ARLN: variants seen among roughly 807,000 people sequenced by gnomAD.
ARLN encodes allregulin, also known as sarcoplasmic/endoplasmic reticulum calcium ATPase regulator ARLN.
At chr4:119,296,677 T>C in the ARLN span, 1 of 152,210 alleles carries the variant, frequency 6.6e-6, no homozygotes, top group Non-Finnish European at 1.5e-5. Flanking sequence ...TCTGCCTTTT[T>C]ATTCCAGCTA....
chr4:119,300,402 CAGTAGG>C, the ARLN span: 1 of 1,613,866 alleles, frequency 6.2e-7, no homozygotes, highest in Non-Finnish European at 8.5e-7. Context: ...GAGGTCCAAC[CAGTAGG>C]AGTGTTTGGG....
At chr4:119,298,770 G>A in the ARLN span, 1 of 775,168 alleles carries the variant, frequency 1.3e-6, no homozygotes, top group Non-Finnish European at 2.4e-6. Context: ...TTAGATATCA[G>A]CGAACAAGTC....
chr4:119,303,330 G>A, the ARLN span, among the ~76,000 whole-genome samples: 1 of 150,898 alleles, frequency 6.6e-6, no homozygotes, highest in Non-Finnish European at 1.5e-5. Flanking sequence ...ACCTCATGGG[G>A]TCAAGCGATT....
the ARLN span, chr4:119,300,778 C>T: frequency 2.7e-6 from 4 of 1,457,380 alleles, no homozygotes; most frequent in Non-Finnish European, 3.6e-6. Context: ...GTCAATGGGC[C>T]CGCCTACTTC....
the ARLN span, among the ~76,000 whole-genome samples, chr4:119,299,454 A>T: frequency 6.6e-6 from 1 of 152,240 alleles, no homozygotes; most frequent in Non-Finnish European, 1.5e-5. Context: ...TCCAAAGTCC[A>T]GGAGAGCTGT....
the ARLN span, among the ~76,000 whole-genome samples, chr4:119,302,328 A>G: frequency 1.6e-4 from 25 of 152,350 alleles, no homozygotes; most frequent in South Asian, 8.3e-4. Context: ...CAACTAGTGC[A>G]AATAAGGAGG....
chr4:119,300,240 TA>T, the ARLN span: 1 of 1,013,790 alleles, frequency 9.9e-7, no homozygotes, highest in South Asian at 1.5e-5. Context: ...CTTGGACATA[TA>T]TAAACTCTCT....
chr4:119,301,332 G>C, the ARLN span, among the ~76,000 whole-genome samples: 2 of 151,912 alleles, frequency 1.3e-5, no homozygotes, highest in Non-Finnish European at 2.9e-5. Context: ...GCTGAGGCAG[G>C]AGAATCGCTT....
chr4:119,303,662 T>G, the ARLN span, among the ~76,000 whole-genome samples: 1 of 152,218 alleles, frequency 6.6e-6, no homozygotes, highest in Non-Finnish European at 1.5e-5. Context: ...GGTGGGTGGA[T>G]TGCTTGAGCC....
the ARLN span, chr4:119,304,380 C>G: frequency 6.5e-7 from 1 of 1,536,680 alleles, no homozygotes; most frequent in Non-Finnish European, 8.7e-7. Context: ...TCCTTTGGCA[C>G]CTATTATTTC....
At chr4:119,297,440 G>A in the ARLN span, 1 of 152,090 alleles carries the variant, frequency 6.6e-6, no homozygotes, top group Non-Finnish European at 1.5e-5. Flanking sequence ...AAAGCCTTTA[G>A]GGCTAACAGG....
chr4:119,299,576 AT>A, the ARLN span, among the ~76,000 whole-genome samples: 1 of 152,130 alleles, frequency 6.6e-6, no homozygotes, highest in African/African-American at 2.4e-5. Context: ...CTCCTGCCCT[AT>A]TCTCTTAAGT....
At chr4:119,299,450 G>A in the ARLN span, among the ~76,000 whole-genome samples, 1,204 of 152,302 alleles carry the variant, frequency 7.9e-3, 15 homozygotes, top group African/African-American at 0.028. Context: ...CAACTCCAAA[G>A]TCCAGGAGAG....
the ARLN span, among the ~76,000 whole-genome samples, chr4:119,299,492 A>G: frequency 1.3e-5 from 2 of 152,196 alleles, no homozygotes; most frequent in Non-Finnish European, 2.9e-5. Context: ...CTCTTCTCCC[A>G]TAGGAGCCCT....
At chr4:119,299,594 C>T in the ARLN span, among the ~76,000 whole-genome samples, 21 of 152,206 alleles carry the variant, frequency 1.4e-4, no homozygotes, top group African/African-American at 4.6e-4. Context: ...AAGTTCCCTT[C>T]CTTTACCCTC....
chr4:119,300,223 G>T, the ARLN span: 1 of 861,704 alleles, frequency 1.2e-6, no homozygotes, highest in South Asian at 1.7e-5. Context: ...CTCACCAGCT[G>T]TGTGATCTTG....
At chr4:119,303,489 C>T in the ARLN span, among the ~76,000 whole-genome samples, 1 of 152,200 alleles carries the variant, frequency 6.6e-6, no homozygotes. Context: ...CCCGCCTCGG[C>T]CTGCCAAAGT....
the ARLN span, chr4:119,298,659 G>A: frequency 1.6e-6 from 1 of 621,152 alleles, no homozygotes; most frequent in Non-Finnish European, 3.0e-6. Flanking sequence ...GAAAGGAAGG[G>A]TCCCTTGGAG....
the ARLN span, chr4:119,300,510 T>C: frequency 6.2e-7 from 1 of 1,614,034 alleles, no homozygotes; most frequent in Non-Finnish European, 8.5e-7. Flanking sequence ...ATCTCGACCA[T>C]CAACACCCGG....
Sources: allele counts gnomAD v4.1 joint callset (sites outside exome capture counted in the v4.1 genomes callset), GRCh38; gene constraint gnomAD v4.1.1; transcripts MANE v1.5; gene names NCBI Gene and HGNC (gene_info 2026-07-23, HGNC 2026-07-21).